VPS53: variants seen among roughly 807,000 people sequenced by gnomAD.
The protein encoded by VPS53 is VPS53 subunit of GARP complex.
VPS53 carries 70 observed loss-of-function variants against 107.0 expected under a neutral mutation model. The ratio of observed to expected loss-of-function variants is 0.65; its 90% confidence interval spans 0.54 to 0.80. The LOEUF (loss-of-function observed/expected upper bound fraction) is 0.80, where lower values mean the gene tolerates loss of function less well. Ranked by LOEUF, VPS53 falls within the 30% of genes least tolerant of loss-of-function variation. The pLI, the probability that VPS53 is intolerant of heterozygous loss-of-function variation, is 0.00. For missense variants in VPS53, 917 were observed against 1,049.4 expected (o/e 0.87, Z 1.74); for synonymous variants, 409 against 393.3 (o/e 1.04, Z -0.47).
intron 7 of VPS53, among the ~76,000 whole-genome samples, chr17:634,923 G>A (rs188136240): frequency 0.019 from 2,762 of 148,740 alleles, 28 homozygotes; most frequent in Middle Eastern, 0.031. Flanking sequence ...TAATGGGGTG[G>A]CTGGGTCAAA....
intron 7 of VPS53, among the ~76,000 whole-genome samples, chr17:652,201 G>T (rs186309569): frequency 8.5e-5 from 13 of 152,120 alleles, no homozygotes; most frequent in African/African-American, 2.9e-4. Flanking sequence ...CGCCATGTTG[G>T]CCAGGCTGGC....
chr17:551,975 G>T (rs1428329812), intron 16 of VPS53, 25 bp from the exon 17 acceptor site: 15 of 1,561,086 alleles, frequency 9.6e-6, no homozygotes, highest in Non-Finnish European at 1.3e-5. Context: ...AATCACTGTG[G>T]TCACCCTTTC....
chr17:705,830 G>A (rs974571874), intron 2 of VPS53: 2 of 152,364 alleles, frequency 1.3e-5, no homozygotes, highest in African/African-American at 4.8e-5. Flanking sequence ...CTTGAGTCCA[G>A]GAATTTGAGG....
chr17:664,159 A>C (rs1597458559), intron 4 of VPS53, among the ~76,000 whole-genome samples: 1 of 151,830 alleles, frequency 6.6e-6, no homozygotes, highest in Non-Finnish European at 1.5e-5. Flanking sequence ...GCTCACTGCA[A>C]CCTCTGCCTC....
At chr17:667,754 C>T (rs1418544466) in intron 4 of VPS53, among the ~76,000 whole-genome samples, 1 of 152,068 alleles carries the variant, frequency 6.6e-6, no homozygotes. Flanking sequence ...GGGCCGTGGG[C>T]CAGCACCAGT....
chr17:666,427 G>T (rs1971688521), intron 4 of VPS53, among the ~76,000 whole-genome samples: 1 of 152,214 alleles, frequency 6.6e-6, no homozygotes, highest in Non-Finnish European at 1.5e-5. Flanking sequence ...ACTTTGGGAG[G>T]CCAGGGCGGG....
intron 15 of VPS53, 60 bp downstream of exon 15, chr17:560,366 C>T (rs559123457): frequency 8.4e-6 from 13 of 1,546,138 alleles, no homozygotes; most frequent in African/African-American, 4.1e-5. Context: ...ACTCGCCGAG[C>T]GACGCAGCCC....
At chr17:694,313 G>A (rs1047072985) in intron 4 of VPS53, among the ~76,000 whole-genome samples, 5 of 152,200 alleles carry the variant, frequency 3.3e-5, no homozygotes, top group South Asian at 2.1e-4. Context: ...AATACGGGAT[G>A]GGGGAGAACG....
intron 10 of VPS53, among the ~76,000 whole-genome samples, chr17:626,665 A>T (rs1969722344): frequency 6.6e-6 from 1 of 152,186 alleles, no homozygotes; most frequent in African/African-American, 2.4e-5. Flanking sequence ...TGACAGAGTG[A>T]TTCTGTCTTG....
chr17:692,777 C>T (rs1007138983), intron 4 of VPS53, among the ~76,000 whole-genome samples: 2 of 152,110 alleles, frequency 1.3e-5, no homozygotes, highest in East Asian at 1.9e-4. Context: ...CCGAGGCGGG[C>T]GGACCACAAG....
In VPS53 at chr17:714,583, C is replaced by T. The variant is rs752056858; in HGVS notation, c.87+40G>A. 7 of 1,576,072 alleles carry T rather than the reference C, an allele frequency of 4.4e-6. No homozygotes were observed. The South Asian group carries it at 5.7e-5, about 13-fold the overall frequency. ...GCGCCCGGAGCTGCCGTCTCCCCTC[C>T]CGCACTCCCGTTTCCCCTCCTGAGG... On this transcript the variant is annotated intron_variant, in intron 1 of 21. Coordinates refer to ENST00000437048, the MANE Select transcript of VPS53 (RefSeq NM_001128159.3).
intron 11 of VPS53, among the ~76,000 whole-genome samples, chr17:608,010 A>G (rs950016279): frequency 1.3e-5 from 2 of 152,156 alleles, no homozygotes; most frequent in African/African-American, 4.8e-5. Flanking sequence ...CTTTCCCTAG[A>G]GGGGAAAGCT....
intron 7 of VPS53, among the ~76,000 whole-genome samples, chr17:636,323 C>T (rs1466297903): frequency 2.0e-5 from 3 of 152,168 alleles, no homozygotes; most frequent in Non-Finnish European, 4.4e-5. Flanking sequence ...TGGGCTGAAA[C>T]GATGGGGTTT....
intron 10 of VPS53, among the ~76,000 whole-genome samples, chr17:624,229 A>G (rs752857464): frequency 1.3e-5 from 2 of 152,086 alleles, no homozygotes; most frequent in Non-Finnish European, 2.9e-5. Flanking sequence ...TGGAGCACCT[A>G]ATTTTTTATT....
intron 20 of VPS53, among the ~76,000 whole-genome samples, chr17:521,104 C>G (rs1373310827): frequency 1.3e-5 from 2 of 152,202 alleles, no homozygotes; most frequent in African/African-American, 4.8e-5. Flanking sequence ...GAGGCAGATG[C>G]GCAGGGCTTC....
intron 11 of VPS53, among the ~76,000 whole-genome samples, chr17:618,974 AC>A (rs1404488196): frequency 6.9e-6 from 1 of 144,722 alleles, no homozygotes; most frequent in East Asian, 2.1e-4. Context: ...CTGGGACTAC[AC>A]GTGTGCACCA....
intron 7 of VPS53, among the ~76,000 whole-genome samples, chr17:643,540 TGGAAA>T: frequency 1.9e-5 from 1 of 52,228 alleles, no homozygotes; most frequent in Non-Finnish European, 4.2e-5. Context: ...CACTCATACT[TGGAAA>T]CCGAGGACAA....
In VPS53 at chr17:570,543, T is replaced by C. The variant is rs116242247; in HGVS notation, c.1314-7798A>G. Reference sequence around the variant, plus strand: ...ACTGAGGGAAATTCCAGAAAGTAATTGGCCAATCCTCTTCAAAAATGTCAA... The same window carrying C: ...ACTGAGGGAAATTCCAGAAAGTAATCGGCCAATCCTCTTCAAAAATGTCAA... On this transcript the variant is annotated intron_variant, in intron 13 of 21. Transcript: ENST00000437048. Among the ~76,000 whole-genome samples the C allele has an allele frequency of 9.5e-4, 144 of 152,126 alleles. 2 individuals are homozygous for C. Among genetic ancestry groups the C allele is most frequent in the African/African-American group, 3.4e-3 (141 of 41,494 alleles).
chr17:590,239 C>T (rs1967565403), intron 12 of VPS53, among the ~76,000 whole-genome samples: 1 of 152,108 alleles, frequency 6.6e-6, no homozygotes, highest in Admixed American at 6.6e-5. Context: ...TATCCTGAGA[C>T]TTTGCTGAAG....
Sources: allele counts gnomAD v4.1 joint callset (sites outside exome capture counted in the v4.1 genomes callset), GRCh38; gene constraint gnomAD v4.1.1; transcripts MANE v1.5; gene names NCBI Gene and HGNC (gene_info 2026-07-23, HGNC 2026-07-21).